Variants in ERBB4 observed in about 807,000 individuals in gnomAD.
ERBB4 encodes the protein receptor tyrosine-protein kinase erbB-4.
Under a neutral mutation model 158.0 loss-of-function variants are expected in ERBB4, and 42 were observed. The observed-to-expected ratio is 0.27, with a 90% CI of 0.21 to 0.34. The LOEUF (loss-of-function observed/expected upper bound fraction) is 0.34. Ranked by LOEUF, ERBB4 falls within the 10% of genes least tolerant of loss-of-function variation. ERBB4 has a pLI of 1.00. For synonymous variants in ERBB4, 583 were observed against 558.7 expected (o/e 1.04, Z -0.61); for missense variants, 1,333 against 1,624.1 (o/e 0.82, Z 3.08).
At chr2:211,629,402 C>A (rs1035373168) in intron 17 of ERBB4, among the ~76,000 whole-genome samples, 1 of 152,068 alleles carries the variant, frequency 6.6e-6, no homozygotes, top group Non-Finnish European at 1.5e-5. Context: ...AAAGAGGACA[C>A]AAACAAATGG....
At chr2:211,918,993 T>G (rs1323096954) in intron 3 of ERBB4, among the ~76,000 whole-genome samples, 1 of 152,080 alleles carries the variant, frequency 6.6e-6, no homozygotes, top group Non-Finnish European at 1.5e-5. Flanking sequence ...CTCCTTAAAC[T>G]TGCCCTTGAC....
At chr2:212,284,014 A>C (rs946159867) in intron 1 of ERBB4, among the ~76,000 whole-genome samples, 12 of 151,086 alleles carry the variant, frequency 7.9e-5, no homozygotes, top group Admixed American at 6.6e-5. Context: ...AAACTTCCAA[A>C]ATTTTTTTTC....
intron 16 of ERBB4, among the ~76,000 whole-genome samples, chr2:211,652,873 C>G (rs1008934311): frequency 4.0e-5 from 6 of 151,766 alleles, no homozygotes; most frequent in Non-Finnish European, 4.4e-5. Flanking sequence ...CTAACTAACA[C>G]AAAGAAATGT....
intron 1 of ERBB4, among the ~76,000 whole-genome samples, chr2:212,386,883 C>T (rs529028016): frequency 1.3e-5 from 2 of 152,040 alleles, no homozygotes; most frequent in Admixed American, 1.3e-4. Context: ...TATCTTCTTA[C>T]TGTTCCAATG....
chr2:211,831,105 C>T (rs1054832840), intron 3 of ERBB4, among the ~76,000 whole-genome samples: 5 of 152,096 alleles, frequency 3.3e-5, no homozygotes, highest in African/African-American at 1.2e-4. Context: ...TGAAAAAGTA[C>T]TTAGCTTGGA....
At chr2:212,027,943 G>C (rs537000647) in intron 2 of ERBB4, among the ~76,000 whole-genome samples, 1 of 151,934 alleles carries the variant, frequency 6.6e-6, no homozygotes, top group African/African-American at 2.4e-5. Flanking sequence ...GAGATTCAAC[G>C]TACAACTCAT....
At chr2:212,519,054 T>C (rs1692001972) in intron 1 of ERBB4, among the ~76,000 whole-genome samples, 1 of 152,016 alleles carries the variant, frequency 6.6e-6, no homozygotes, top group African/African-American at 2.4e-5. Flanking sequence ...TCACAGGCAC[T>C]GGTGTTCTAA....
At chr2:211,992,691 G>A (rs998213239) in intron 2 of ERBB4, among the ~76,000 whole-genome samples, 2 of 152,088 alleles carry the variant, frequency 1.3e-5, no homozygotes, top group Non-Finnish European at 2.9e-5. Context: ...CCACTCTTCA[G>A]GTGAGACAGA....
intron 5 of ERBB4, among the ~76,000 whole-genome samples, chr2:211,747,471 G>A (rs1013260093): frequency 6.6e-6 from 1 of 152,106 alleles, no homozygotes; most frequent in Non-Finnish European, 1.5e-5. Context: ...AACAAACATG[G>A]CTACTGGGGC....
chr2:212,108,126 T>G (rs1172591774), intron 2 of ERBB4, among the ~76,000 whole-genome samples: 1 of 152,144 alleles, frequency 6.6e-6, no homozygotes, highest in African/African-American at 2.4e-5. Flanking sequence ...TTTCCATTAA[T>G]TATTTGAGAT....
At chr2:212,022,626 G>A (rs75102509) in intron 2 of ERBB4, among the ~76,000 whole-genome samples, 12,076 of 152,044 alleles carry the variant, frequency 0.079, 515 homozygotes, top group South Asian at 0.12. Context: ...GCAAACCACC[G>A]TAGCACACAT....
intron 18 of ERBB4, 121 bp from the exon 19 acceptor site, chr2:211,619,396 T>C: frequency 1.5e-6 from 1 of 660,908 alleles, no homozygotes; most frequent in Non-Finnish European, 2.7e-6. Flanking sequence ...ACCTGTTACA[T>C]GTTACAAGTT....
chr2:211,508,017 A>G (rs967273012), intron 20 of ERBB4, among the ~76,000 whole-genome samples: 6 of 152,154 alleles, frequency 3.9e-5, no homozygotes, highest in Admixed American at 3.3e-4. Flanking sequence ...GTAAAACCCT[A>G]AATCATAAAA....
chr2:211,959,294 T>C (rs2081114785), intron 2 of ERBB4, among the ~76,000 whole-genome samples: 1 of 152,106 alleles, frequency 6.6e-6, no homozygotes, highest in African/African-American at 2.4e-5. Flanking sequence ...ATCTCCAATC[T>C]TCGTCTAATG....
In ERBB4 at chr2:211,917,722, G is replaced by A. The variant is rs566035396; in HGVS notation, c.421+29708C>T. On this transcript the variant is annotated intron_variant, in intron 3 of 27. Coordinates refer to ENST00000342788, the MANE Select transcript of ERBB4 (RefSeq NM_005235.3). ...TGGGATGGTTTGAAGACCAGGAGCC[G>A]TAATAAAGAGAGAGAAAGGAATCAA... Among the ~76,000 whole-genome samples the A allele has an allele frequency of 2.3e-4, 35 of 152,230 alleles. 1 individual carries two copies. Among genetic ancestry groups the A allele is most frequent in the East Asian group, 2.1e-3 (11 of 5,182 alleles).
chr2:211,467,508 C>T (rs1203933816), intron 20 of ERBB4, among the ~76,000 whole-genome samples: 1 of 152,176 alleles, frequency 6.6e-6, no homozygotes, highest in Non-Finnish European at 1.5e-5. Flanking sequence ...GTTCACAGTG[C>T]TTCCACCTGT....
chr2:211,718,147 C>A (rs567773506), intron 7 of ERBB4, among the ~76,000 whole-genome samples: 2 of 152,070 alleles, frequency 1.3e-5, no homozygotes, highest in African/African-American at 4.8e-5. Flanking sequence ...CCTGACCTCA[C>A]GTGATCTGTC....
chr2:211,561,255 C>T (rs1420398359), intron 20 of ERBB4, among the ~76,000 whole-genome samples: 3 of 152,096 alleles, frequency 2.0e-5, no homozygotes, highest in Non-Finnish European at 4.4e-5. Context: ...AGAATTCTGG[C>T]CACTCTTAAA....
intron 3 of ERBB4, among the ~76,000 whole-genome samples, chr2:211,848,006 G>A (rs2077630358): frequency 6.6e-6 from 1 of 152,076 alleles, no homozygotes; most frequent in African/African-American, 2.4e-5. Context: ...GAGAGACAGA[G>A]CGGGGCTTCA....
Sources: gnomAD v4.1 joint callset for allele counts (sites outside exome capture counted in the v4.1 genomes callset) on GRCh38, gnomAD v4.1.1 for gene constraint, MANE v1.5 for transcripts, NCBI Gene and HGNC (gene_info 2026-07-23, HGNC 2026-07-21) for gene names.